Variants in HSPA4L observed in about 807,000 individuals in gnomAD.
The protein encoded by HSPA4L is heat shock protein family A (Hsp70) member 4 like, also known as heat shock 70 kDa protein 4L.
Under a neutral mutation model 100.3 loss-of-function variants are expected in HSPA4L, and 48 were observed. That is an observed-to-expected ratio of 0.48 (90% CI 0.38 to 0.61). The LOEUF is 0.61. HSPA4L is among the 20% of genes least tolerant of loss of function. The pLI, the probability that HSPA4L is intolerant of heterozygous loss-of-function variation, is 0.00. For synonymous variants in HSPA4L, 319 were observed against 328.2 expected, an observed-to-expected ratio of 0.97 and a Z score of 0.30; for missense variants, 886 against 988.6, an observed-to-expected ratio of 0.90 and a Z score of 1.39.
At position 127,823,502 on chromosome 4, in the gene HSPA4L, CA is replaced by C; in HGVS notation, c.1939-12del. ...GAAAGTATTTTTAATTAGTGTCTCT[CA>C]AATATATTACTAGGACTTGAGTAAA... On this transcript the variant is annotated splice_polypyrimidine_tract_variant and intron_variant, in intron 15 of 18. Transcript: ENST00000296464. 6.4e-7 allele frequency: 1 copy of C among 1,551,320 alleles called. No homozygotes were observed.
intron 13 of HSPA4L, among the ~76,000 whole-genome samples, chr4:127,819,130 A>G (rs1733747408): frequency 1.3e-5 from 2 of 152,146 alleles, no homozygotes; most frequent in Non-Finnish European, 2.9e-5. Flanking sequence ...TAACCACTCT[A>G]ATTATTTTGT....
In HSPA4L at chr4:127,782,572, C is replaced by G; in HGVS notation, c.22C>G (p.Leu8Val). The change falls in exon 1 of 19, where the codon CTC becomes GTC. Residue 8 changes from leucine (L) to valine (V), a missense_variant. Leu to Val is a conservative substitution (Grantham distance 32, BLOSUM62 1). Transcript: ENST00000296464. Reference protein sequence around the residue: MSVVGIDLGFLNCYIAVA... With the variant: MSVVGIDVGFLNCYIAVA... ...CGGGATGTCTGTGGTTGGCATTGAC[C>G]TCGGCTTTCTCAACTGCTACATTGC... 1 of 1,614,136 alleles carries G rather than the reference C, an allele frequency of 6.2e-7. No homozygotes were observed. Among genetic ancestry groups the G allele is most frequent in the Non-Finnish European group, 8.5e-7 (1 of 1,180,022 alleles).
At chr4:127,823,739 TGTA>T (rs1366309110) in intron 16 of HSPA4L, 115 bp downstream of exon 16, 1 of 626,664 alleles carries the variant, frequency 1.6e-6, no homozygotes, top group Non-Finnish European at 2.8e-6. Context: ...AGAGGAAAAT[TGTA>T]TATATTTGTG....
chr4:127,796,014 A>G (rs1733012288), intron 3 of HSPA4L, 106 bp downstream of exon 3: 5 of 944,820 alleles, frequency 5.3e-6, no homozygotes, highest in South Asian at 4.1e-5. Context: ...GATACAGTAC[A>G]TACACACCGA....
At chr4:127,829,570 A>T (rs746020590) in intron 17 of HSPA4L, among the ~76,000 whole-genome samples, 6 of 152,054 alleles carry the variant, frequency 3.9e-5, no homozygotes, top group Non-Finnish European at 5.9e-5. Flanking sequence ...ATTTGATGTA[A>T]ATCTATCACA....
In HSPA4L at chr4:127,830,648, A is replaced by G. The variant is rs35293559; in HGVS notation, c.2177A>G (p.Tyr726Cys). 1.9e-6 allele frequency: 3 copies of G among 1,580,586 alleles called. No homozygotes were observed. The highest frequency in any genetic ancestry group is 2.6e-6 in the Non-Finnish European group (3 of 1,169,706). ...TTTTTTTTTAAATAGGATGAAAGAT[A>G]TGATCATCTGGATCCTACTGAAATG... ...IEAYRNKDER[Y>C]DHLDPTEMEK... The change falls in exon 18 of 19, where the codon TAT (tyrosine) becomes TGT (cysteine). Residue 726 changes from tyrosine to cysteine, a missense_variant. Tyr to Cys is a radical substitution (Grantham distance 194). Transcript: ENST00000296464.
rs1203019087 is a variant in HSPA4L, at chr4:127,839,750, A to C, written c.*6876A>C. ...AAATCTAGGTAAAGGAAGCTTTAAA[A>C]TGTTGTATTTTTTCCCTGAAATAAA... On this transcript the variant is annotated 3_prime_UTR_variant, in exon 19 of 19. Transcript: ENST00000296464. 6.6e-6 allele frequency: 1 copy of C among 152,102 alleles called. No homozygotes were observed. Among genetic ancestry groups the C allele is most frequent in the African/African-American group, 2.4e-5 (1 of 41,422 alleles). The allele number at this position is 152,102 out of a possible 1,614,324, so 9.4% of individuals were successfully genotyped here.
intron 15 of HSPA4L, 104 bp downstream of exon 15, chr4:127,822,998 G>T: frequency 8.5e-7 from 1 of 1,171,868 alleles, no homozygotes; most frequent in South Asian, 1.6e-5. Flanking sequence ...TGTTATTGTT[G>T]CCAATCTTGG....
At chr4:127,801,283 C>T (rs777763217) in intron 5 of HSPA4L, 46 bp downstream of exon 5, 1 of 1,314,270 alleles carries the variant, frequency 7.6e-7, no homozygotes, top group Non-Finnish European at 1.1e-6. Flanking sequence ...AAATACTGTT[C>T]TAGTTTTTTT....
At chr4:127,812,482 G>A (rs1733561237) in intron 12 of HSPA4L, among the ~76,000 whole-genome samples, 1 of 151,716 alleles carries the variant, frequency 6.6e-6, no homozygotes, top group African/African-American at 2.4e-5. Context: ...TTTACTGTGG[G>A]GATACTATAG....
In HSPA4L at chr4:127,837,549, G is replaced by A. The variant is rs571703854; in HGVS notation, c.*4675G>A. The A allele has an allele frequency of 6.6e-6, 1 of 152,256 alleles. No homozygotes were observed. Among genetic ancestry groups the A allele is most frequent in the Non-Finnish European group, 1.5e-5 (1 of 68,014 alleles). The allele number at this position is 152,256 out of a possible 1,614,324, so 9.4% of individuals were successfully genotyped here. A position where few individuals can be genotyped will look rare whatever the true frequency, so the allele number is the denominator to read the frequency against. ...TTAGCAAACTAATCTTTGTAAAGCA[G>A]TCAGTTTCAGAAGATACTTTTTATC... On this transcript the variant is annotated 3_prime_UTR_variant, in exon 19 of 19. Coordinates refer to ENST00000296464, the MANE Select transcript of HSPA4L (RefSeq NM_014278.4).
chr4:127,815,921 G>T (rs1733660182), intron 12 of HSPA4L, among the ~76,000 whole-genome samples: 1 of 152,210 alleles, frequency 6.6e-6, no homozygotes, highest in African/African-American at 2.4e-5. Flanking sequence ...GGAGTAGATA[G>T]GTAGTTGTCC....
intron 16 of HSPA4L, 72 bp from the exon 17 acceptor site, chr4:127,827,233 A>G (rs989635572): frequency 4.1e-6 from 5 of 1,229,778 alleles, no homozygotes; most frequent in Admixed American, 1.9e-5. Flanking sequence ...TTATCATCCT[A>G]TAAGGGCCCT....
intron 10 of HSPA4L, among the ~76,000 whole-genome samples, 195 bp from the exon 11 acceptor site, chr4:127,807,801 G>A (rs1733404522): frequency 6.6e-6 from 1 of 152,062 alleles, no homozygotes; most frequent in African/African-American, 2.4e-5. Context: ...TATTATGATA[G>A]ACATTATGAA....
rs185652530 is a variant in HSPA4L at position 127,801,644 on chromosome 4, G to A, written c.530-141G>A. The A allele has an allele frequency of 1.6e-4, 97 of 619,896 alleles. No homozygotes were observed. The African/African-American group carries it at 1.7e-3, about 11-fold the overall frequency. 38.4% of individuals were successfully genotyped at this position (619,896 alleles called of 1,614,324 possible). On this transcript the variant is annotated intron_variant, in intron 5 of 18. Transcript: ENST00000296464. ...AAATAAAGTTAAAGCATTATTAACC[G>A]AATTGTGAAAAGTTCATTTACTTTG...
intron 11 of HSPA4L, among the ~76,000 whole-genome samples, chr4:127,810,436 G>T (rs575302599): frequency 6.6e-6 from 1 of 152,256 alleles, no homozygotes; most frequent in Admixed American, 6.5e-5. Flanking sequence ...ATTTCTGGAG[G>T]TTAGAAGTCT....
At chr4:127,786,655 C>T (rs920661965) in intron 1 of HSPA4L, among the ~76,000 whole-genome samples, 3 of 152,146 alleles carry the variant, frequency 2.0e-5, no homozygotes, top group Non-Finnish European at 2.9e-5. Flanking sequence ...CCAACAGAGA[C>T]AAGGTCTTGC....
Position 127,794,075 on chromosome 4 carries a change from A to G in HSPA4L, c.108-2A>G. 2 of 1,604,062 alleles carry G rather than the reference A, an allele frequency of 1.2e-6. No homozygotes were observed. The highest frequency in any genetic ancestry group is 8.5e-7 in the Non-Finnish European group (1 of 1,174,158). ...AACAAACTTTTTGTTTTTCTGGTTT[A>G]GGGCCTGTATATCATTGGGATCAAG... On this transcript the variant is annotated splice_acceptor_variant, in intron 1 of 18. Coordinates refer to ENST00000296464, the MANE Select transcript of HSPA4L (RefSeq NM_014278.4). LOFTEE classifies it high-confidence loss of function.
intron 2 of HSPA4L, among the ~76,000 whole-genome samples, chr4:127,795,180 G>A (rs1051954002): frequency 3.3e-5 from 5 of 151,994 alleles, no homozygotes; most frequent in African/African-American, 1.2e-4. Flanking sequence ...AAATGGAAGT[G>A]GAAATAAATA....
Sources: gnomAD v4.1 joint callset for allele counts (sites outside exome capture counted in the v4.1 genomes callset) on GRCh38, gnomAD v4.1.1 for gene constraint, MANE v1.5 for transcripts, NCBI Gene and HGNC (gene_info 2026-07-23, HGNC 2026-07-21) for gene names.